Variants in CFAP221 observed in about 807,000 individuals in gnomAD.
CFAP221 encodes cilia and flagella associated protein 221.
CFAP221 carries 97 observed loss-of-function variants against 113.1 expected under a neutral mutation model. The observed-to-expected ratio is 0.86, with a 90% CI of 0.73 to 1.02. The LOEUF is 1.02. CFAP221 is among the 50% of genes least tolerant of loss of function. The pLI, the probability that CFAP221 is intolerant of heterozygous loss-of-function variation, is 0.00. For missense variants in CFAP221, 1,025 were observed against 1,013.4 expected, an observed-to-expected ratio of 1.01 and a Z score of -0.16; for synonymous variants, 331 against 354.4, an observed-to-expected ratio of 0.93 and a Z score of 0.74.
At chr2:119,602,746 T>C (rs1298171211) in intron 8 of CFAP221, 1 of 985,356 alleles carries the variant, frequency 1.0e-6, no homozygotes, top group Admixed American at 6.1e-5. Context: ...CTGATTTTTC[T>C]GGTGGCAAAT....
intron 20 of CFAP221, among the ~76,000 whole-genome samples, chr2:119,639,231 C>T (rs1359255685): frequency 6.6e-6 from 1 of 152,180 alleles, no homozygotes; most frequent in East Asian, 1.9e-4. Flanking sequence ...GCTCGAAAGC[C>T]CTCCGTGGGT....
At chr2:119,556,557 T>TA (rs1680818411) in intron 3 of CFAP221, among the ~76,000 whole-genome samples, 1 of 141,694 alleles carries the variant, frequency 7.1e-6, no homozygotes, top group African/African-American at 2.6e-5. Context: ...ATTTTTTTTC[T>TA]TTTTTTTTTT....
Position 119,596,638 on chromosome 2 carries a change from G to A in CFAP221, c.632-4580G>A, listed in dbSNP as rs148776413. Among the ~76,000 whole-genome samples the A allele has an allele frequency of 3.2e-3, 484 of 152,270 alleles. 13 individuals are homozygous for A. In the East Asian group the frequency reaches 0.067, roughly 21 times the overall value. On this transcript the variant is annotated intron_variant, in intron 7 of 23. Transcript: ENST00000413369. ...AAGACTTAATTTTACCACTTATTTC[G>A]AGTTCCAGTCAAAAAAGCTTGCGGG...
chr2:119,551,814 A>G (rs756817525), intron 3 of CFAP221, among the ~76,000 whole-genome samples: 1 of 152,220 alleles, frequency 6.6e-6, no homozygotes, highest in Non-Finnish European at 1.5e-5. Flanking sequence ...TGGGAATTGC[A>G]TTGAATCTGT....
chr2:119,566,737 C>T (rs1285359361), intron 6 of CFAP221, among the ~76,000 whole-genome samples: 4 of 152,196 alleles, frequency 2.6e-5, no homozygotes, highest in Non-Finnish European at 5.9e-5. Context: ...CCCGCACACC[C>T]CACTCAGAGG....
At chr2:119,620,520 C>T (rs1685831664) in intron 14 of CFAP221, among the ~76,000 whole-genome samples, 1 of 152,122 alleles carries the variant, frequency 6.6e-6, no homozygotes, top group Admixed American at 6.6e-5. Context: ...GAAATAAAAT[C>T]CTTTACAGAC....
intron 6 of CFAP221, among the ~76,000 whole-genome samples, chr2:119,574,608 G>A (rs1353756520): frequency 6.6e-6 from 1 of 152,114 alleles, no homozygotes; most frequent in Non-Finnish European, 1.5e-5. Context: ...TAATACAGCT[G>A]TCAAACCTGA....
intron 6 of CFAP221, among the ~76,000 whole-genome samples, chr2:119,571,861 G>A (rs1157321939): frequency 1.5e-4 from 23 of 152,252 alleles, no homozygotes; most frequent in Admixed American, 1.4e-3. Context: ...AGAAGGGTAT[G>A]TTTTCCCTTT....
chr2:119,594,439 T>C (rs1021149058), intron 7 of CFAP221, among the ~76,000 whole-genome samples: 1 of 151,976 alleles, frequency 6.6e-6, no homozygotes, highest in Admixed American at 6.5e-5. Context: ...AGAGATGGGG[T>C]TTCACCATAT....
At chr2:119,547,535 G>A (rs1417609708) in intron 2 of CFAP221, among the ~76,000 whole-genome samples, 7 of 151,858 alleles carry the variant, frequency 4.6e-5, no homozygotes, top group Admixed American at 4.6e-4. Flanking sequence ...CTCCAGTCAG[G>A]GCAACAGAGC....
At chr2:119,547,255 A>G (rs1057467901) in intron 2 of CFAP221, among the ~76,000 whole-genome samples, 1 of 152,214 alleles carries the variant, frequency 6.6e-6, no homozygotes, top group Non-Finnish European at 1.5e-5. Context: ...AAAATCTTTC[A>G]ACATTAAAAA....
At position 119,547,305 on chromosome 2, in the gene CFAP221, A is replaced by G. The variant is rs1233171605; in HGVS notation, c.139+1035A>G. On this transcript the variant is annotated intron_variant, in intron 2 of 23. Transcript: ENST00000413369. ...CCAGGTGCGGTGGCTCACTCCTATA[A>G]TCCCAGCACTTTGGGAGGCCAAGGC... is the stretch of plus-strand genomic sequence containing the variant. Among the ~76,000 whole-genome samples the G allele has an allele frequency of 2.0e-5, 3 of 152,230 alleles. No homozygotes were observed. In the East Asian group the frequency reaches 5.8e-4, roughly 29 times the overall value.
chr2:119,625,595 G>A lies in CFAP221; in HGVS notation c.1423G>A (p.Gly475Arg), dbSNP rs774953153. Residue 475 changes from glycine (G) to arginine (R), a missense_variant, in exon 15 of 24, where the codon GGA (glycine) becomes AGA (arginine). Physicochemically the swap from Gly to Arg is moderately radical, Grantham distance 125 (BLOSUM62 -2). Transcript: ENST00000413369. ...ACTCCAATTTCAGGTCATGATTCAG[G>A]GACGATTATTCAATATGCTGAGTGC... ...QQVARKVMIQ[G>R]RLFNMLSAVR... 2.5e-6 allele frequency: 4 copies of A among 1,612,198 alleles called. No homozygotes were observed. In the East Asian group the frequency reaches 8.9e-5, roughly 36 times the overall value.
At chr2:119,630,475 T>A in intron 17 of CFAP221, 95 bp from the exon 18 acceptor site, 2 of 916,256 alleles carry the variant, frequency 2.2e-6, no homozygotes, top group South Asian at 3.2e-5. Flanking sequence ...GTCTTACTTT[T>A]ACCACCAGGA....
intron 3 of CFAP221, among the ~76,000 whole-genome samples, chr2:119,549,906 T>C (rs958233138): frequency 1.3e-5 from 2 of 152,310 alleles, no homozygotes; most frequent in African/African-American, 2.4e-5. Flanking sequence ...TCTTGCTGGG[T>C]CCCCTTCATT....
At chr2:119,559,600 C>A (rs1681073830) in intron 3 of CFAP221, 89 bp from the exon 4 acceptor site, 1 of 1,103,428 alleles carries the variant, frequency 9.1e-7, no homozygotes, top group Non-Finnish European at 1.3e-6. Flanking sequence ...TCCTCAAATT[C>A]TTTTAGGAAC....
chr2:119,603,808 G>A (rs1684525243), intron 8 of CFAP221, among the ~76,000 whole-genome samples: 1 of 151,990 alleles, frequency 6.6e-6, no homozygotes, highest in African/African-American at 2.4e-5. Context: ...TCTAAAAAAA[G>A]AAAAAAGAAA....
intron 21 of CFAP221, among the ~76,000 whole-genome samples, chr2:119,642,788 C>T (rs1166771046): frequency 2.6e-5 from 4 of 152,084 alleles, no homozygotes; most frequent in Non-Finnish European, 4.4e-5. Context: ...AATCCTCCCA[C>T]CTCAGCCTCC....
At chr2:119,595,430 T>A (rs1451443336) in intron 7 of CFAP221, among the ~76,000 whole-genome samples, 1 of 152,252 alleles carries the variant, frequency 6.6e-6, no homozygotes, top group Non-Finnish European at 1.5e-5. Flanking sequence ...CTTACCATTT[T>A]TACCCTTCTT....
Sources: gnomAD v4.1 joint callset for allele counts (sites outside exome capture counted in the v4.1 genomes callset) on GRCh38, gnomAD v4.1.1 for gene constraint, MANE v1.5 for transcripts, NCBI Gene and HGNC (gene_info 2026-07-23, HGNC 2026-07-21) for gene names.